GALNT13: variants seen among roughly 807,000 people sequenced by gnomAD.
GALNT13 encodes the protein UDP-GalNAc:polypeptide N-acetylgalactosaminyltransferase 13.
A neutral mutation model predicts 64.2 loss-of-function variants in GALNT13; 28 were observed. That is an observed-to-expected ratio of 0.44 (90% CI 0.32 to 0.60). The LOEUF (loss-of-function observed/expected upper bound fraction) is 0.60, where lower values mean the gene tolerates loss of function less well. GALNT13 is among the 20% of genes least tolerant of loss of function. GALNT13 has a pLI of 0.05. For synonymous variants in GALNT13, 214 were observed against 224.6 expected, an observed-to-expected ratio of 0.95 and a Z score of 0.42; for missense variants, 577 against 669.8, an observed-to-expected ratio of 0.86 and a Z score of 1.53.
intron 3 of GALNT13, among the ~76,000 whole-genome samples, chr2:154,045,919 CT>C (rs1558928307): frequency 6.6e-6 from 1 of 151,950 alleles, no homozygotes; most frequent in East Asian, 1.9e-4. Context: ...TTTTCTTTCT[CT>C]GTCTAGTAAG....
chr2:154,282,881 A>G (rs997608595), intron 8 of GALNT13, among the ~76,000 whole-genome samples: 1 of 152,148 alleles, frequency 6.6e-6, no homozygotes. Context: ...CCCAAGTAAC[A>G]TAAATCTAGA....
chr2:153,876,781 T>C (rs1686411491), intron 1 of GALNT13, among the ~76,000 whole-genome samples: 1 of 152,172 alleles, frequency 6.6e-6, no homozygotes, highest in Non-Finnish European at 1.5e-5. Flanking sequence ...AGTATGTCTT[T>C]AGACTTATAC....
rs538128410 is a variant in GALNT13 at position 154,128,892 on chromosome 2, G to A, written c.143-11445G>A. On this transcript the variant is annotated intron_variant, in intron 3 of 12. Coordinates refer to ENST00000392825, the MANE Select transcript of GALNT13 (RefSeq NM_052917.4). ...AATCATTTAGGTCATAAGACATTTA[G>A]GTCCATTATTTGACAGCTAAATTGA... Among the ~76,000 whole-genome samples, 3 of 152,080 alleles carry A rather than the reference G, an allele frequency of 2.0e-5. No homozygotes were observed. The East Asian group carries it at 5.8e-4, about 29-fold the overall frequency.
chr2:153,265,958 C>T, the GALNT13 span, among the ~76,000 whole-genome samples: 1 of 151,794 alleles, frequency 6.6e-6, no homozygotes, highest in Non-Finnish European at 1.5e-5. Context: ...CATCACATAC[C>T]CTCAGATGGT....
chr2:154,163,909 T>C (rs962157712), intron 4 of GALNT13, among the ~76,000 whole-genome samples: 6 of 152,188 alleles, frequency 3.9e-5, no homozygotes, highest in African/African-American at 1.4e-4. Flanking sequence ...GTCTTAGTTT[T>C]TTTGTTTATA....
At chr2:154,021,601 G>C (rs1228588409) in intron 3 of GALNT13, among the ~76,000 whole-genome samples, 1 of 151,748 alleles carries the variant, frequency 6.6e-6, no homozygotes, top group Non-Finnish European at 1.5e-5. Flanking sequence ...GAGATTTTGG[G>C]CTGAGACATT....
the GALNT13 span, among the ~76,000 whole-genome samples, chr2:153,808,565 T>C: frequency 6.6e-6 from 1 of 152,170 alleles, no homozygotes; most frequent in Non-Finnish European, 1.5e-5. Flanking sequence ...ACATTATTTC[T>C]TGTGACTTCA....
the GALNT13 span, among the ~76,000 whole-genome samples, chr2:153,594,350 A>G: frequency 1.3e-5 from 2 of 152,132 alleles, no homozygotes; most frequent in African/African-American, 4.8e-5. Context: ...ATTATCATTT[A>G]TATAACATTT....
chr2:153,499,182 G>A, the GALNT13 span, among the ~76,000 whole-genome samples: 8 of 152,158 alleles, frequency 5.3e-5, no homozygotes, highest in Admixed American at 2.0e-4. Context: ...CTTTCAGGAA[G>A]AATGAGGTAC....
chr2:153,844,457 C>A, the GALNT13 span, among the ~76,000 whole-genome samples: 1 of 152,164 alleles, frequency 6.6e-6, no homozygotes, highest in Non-Finnish European at 1.5e-5. Context: ...TGGACCAGGG[C>A]AACAAAATCA....
At chr2:153,825,011 A>T in the GALNT13 span, among the ~76,000 whole-genome samples, 7 of 152,192 alleles carry the variant, frequency 4.6e-5, no homozygotes, top group African/African-American at 1.7e-4. Context: ...TTCTTTATAA[A>T]CTACCCAGTC....
At chr2:153,954,370 T>C (rs1558872575) in intron 3 of GALNT13, among the ~76,000 whole-genome samples, 1 of 151,978 alleles carries the variant, frequency 6.6e-6, no homozygotes, top group Non-Finnish European at 1.5e-5. Flanking sequence ...ACAATTGATT[T>C]GGATTAAGGG....
chr2:153,896,883 C>T (rs1687928780), intron 1 of GALNT13, among the ~76,000 whole-genome samples: 1 of 152,092 alleles, frequency 6.6e-6, no homozygotes. Flanking sequence ...TACCTTGTTG[C>T]ATAATTTTAA....
the GALNT13 span, among the ~76,000 whole-genome samples, chr2:153,092,740 T>G: frequency 6.4e-4 from 98 of 152,332 alleles, no homozygotes; most frequent in African/African-American, 2.3e-3. Context: ...TCTTGTGGCA[T>G]CTAGGATTTT....
the GALNT13 span, among the ~76,000 whole-genome samples, chr2:153,444,950 G>A: frequency 2.6e-5 from 4 of 152,072 alleles, no homozygotes; most frequent in African/African-American, 7.2e-5. Context: ...GATTGAGTGT[G>A]TATATTTAAT....
the GALNT13 span, among the ~76,000 whole-genome samples, chr2:153,714,973 A>T: frequency 6.6e-6 from 1 of 152,200 alleles, no homozygotes; most frequent in Non-Finnish European, 1.5e-5. Context: ...AAATTTTACA[A>T]TCTTTTTCTT....
the GALNT13 span, among the ~76,000 whole-genome samples, chr2:153,518,539 T>A: frequency 6.6e-6 from 1 of 152,214 alleles, no homozygotes; most frequent in Non-Finnish European, 1.5e-5. Context: ...ACTGACTTTA[T>A]GTGACTAGGC....
At chr2:153,415,646 T>C in the GALNT13 span, among the ~76,000 whole-genome samples, 1 of 152,204 alleles carries the variant, frequency 6.6e-6, no homozygotes, top group Admixed American at 6.5e-5. Context: ...GTTCACCATA[T>C]GAAATTGAAT....
chr2:154,372,053 C>G (rs1297733381), intron 9 of GALNT13, among the ~76,000 whole-genome samples: 2 of 152,030 alleles, frequency 1.3e-5, no homozygotes, highest in Non-Finnish European at 2.9e-5. Flanking sequence ...GAGATGCTCT[C>G]ATCAAGAATG....
Sources: allele counts gnomAD v4.1 joint callset (sites outside exome capture counted in the v4.1 genomes callset), GRCh38; gene constraint gnomAD v4.1.1; transcripts MANE v1.5; gene names NCBI Gene and HGNC (gene_info 2026-07-23, HGNC 2026-07-21).